The following TNRC6C variants were observed in gnomAD, a reference collection of about 807,000 sequenced individuals.
TNRC6C encodes the protein trinucleotide repeat-containing gene 6C protein.
Under a neutral mutation model 153.7 loss-of-function variants are expected in TNRC6C, and 20 were observed. The ratio of observed to expected loss-of-function variants is 0.13; its 90% CI spans 0.09 to 0.19. The LOEUF (loss-of-function observed/expected upper bound fraction) is 0.19. Ranked by LOEUF, TNRC6C falls within the 10% of genes least tolerant of loss-of-function variation. The pLI is 1.00. For missense variants in TNRC6C, 1,987 were observed against 2,172.0 expected (o/e 0.91, Z 1.69); for synonymous variants, 811 against 841.4 (o/e 0.96, Z 0.63).
rs1405159488 is a variant in TNRC6C at position 78,049,866 on chromosome 17, G to A, written c.804G>A (p.Gly268=). The change falls in exon 3 of 20, where the codon GGG becomes GGA. Residue 268 remains glycine, a synonymous_variant. Transcript: ENST00000301624. This position sits in a 1 kb window ranked among gnomAD's most constrained non-coding sequence, Gnocchi z 4.1. The stretch of plus-strand genomic sequence containing the variant: ...ATAGCAATTCTGGGTTCAGTCAGGG[G>A]AATGGAGACACTGTGAACTCAGCAT... 1 of 1,613,918 alleles carries A rather than the reference G, an allele frequency of 6.2e-7. No individual in the cohort carries two copies. The highest frequency in any genetic ancestry group is 8.5e-7 in the Non-Finnish European group (1 of 1,179,896).
At chr17:77,983,029 A>G (rs1475241707) in intron 1 of TNRC6C, among the ~76,000 whole-genome samples, 2 of 152,204 alleles carry the variant, frequency 1.3e-5, no homozygotes, top group Admixed American at 6.5e-5. Context: ...GGACAAAAAG[A>G]TAGATTCAGT....
chr17:78,061,580 C>T (rs1337057213), intron 3 of TNRC6C, among the ~76,000 whole-genome samples: 1 of 152,142 alleles, frequency 6.6e-6, no homozygotes, highest in African/African-American at 2.4e-5. Flanking sequence ...TACTCAGAAG[C>T]AGGAGGATCG....
chr17:78,019,884 C>A (rs980749863), intron 1 of TNRC6C, among the ~76,000 whole-genome samples: 1 of 152,042 alleles, frequency 6.6e-6, no homozygotes, highest in African/African-American at 2.4e-5. Flanking sequence ...TGCTTTGATG[C>A]CCTGGTTTTT....
chr17:78,040,246 C>T (rs1185830404), intron 2 of TNRC6C, among the ~76,000 whole-genome samples: 2 of 152,184 alleles, frequency 1.3e-5, no homozygotes, highest in Non-Finnish European at 2.9e-5. Context: ...AAGAATGCCA[C>T]CTGATCATGT....
At chr17:77,965,095 T>C (rs1361304366) in intron 1 of TNRC6C, among the ~76,000 whole-genome samples, 1 of 152,216 alleles carries the variant, frequency 6.6e-6, no homozygotes, top group Non-Finnish European at 1.5e-5. Context: ...GTTTATCTTA[T>C]TTAATCCTCA....
At chr17:77,999,153 C>A (rs2071373630) in intron 1 of TNRC6C, among the ~76,000 whole-genome samples, 1 of 152,202 alleles carries the variant, frequency 6.6e-6, no homozygotes, top group Admixed American at 6.5e-5. Context: ...AAGGTTTGTA[C>A]ACAGAATTGG....
chr17:77,985,601 C>CAAA (rs1229331703), intron 1 of TNRC6C, among the ~76,000 whole-genome samples: 14 of 96,244 alleles, frequency 1.5e-4, no homozygotes, highest in African/African-American at 5.5e-4. Flanking sequence ...GACTCCGTCT[C>CAAA]AAAAAAAAAA....
At chr17:78,059,440 G>A (rs921343896) in intron 3 of TNRC6C, among the ~76,000 whole-genome samples, 2 of 152,206 alleles carry the variant, frequency 1.3e-5, no homozygotes, top group Admixed American at 6.5e-5. Context: ...ACGGAAGTAG[G>A]AAGAGATGCT....
intron 13 of TNRC6C, 33 bp from the exon 16 acceptor site, chr17:78,091,407 G>T (rs763586372): frequency 6.5e-7 from 1 of 1,535,044 alleles, no homozygotes; most frequent in Non-Finnish European, 8.8e-7. Flanking sequence ...ATTTAGAGGA[G>T]CAGGCGAATC....
chr17:78,086,954 G>A (rs779189860), exon 13 of TNRC6C: 56 of 1,613,206 alleles, frequency 3.5e-5, no homozygotes, highest in African/African-American at 5.3e-5. Context: ...CACCGCCCCC[G>A]CCGCACCTGT....
At chr17:78,064,811 A>T in exon 4 of TNRC6C, 1 of 1,613,882 alleles carries the variant, frequency 6.2e-7, no homozygotes, top group South Asian at 1.1e-5. Flanking sequence ...CCTGGTGGAT[A>T]ATGGCACAGC....
intron 10 of TNRC6C, among the ~76,000 whole-genome samples, chr17:78,081,066 G>T (rs1017268407): frequency 2.6e-5 from 4 of 152,172 alleles, no homozygotes; most frequent in Non-Finnish European, 4.4e-5. Flanking sequence ...CAAGATCAAG[G>T]TGCCAGAAGA....
chr17:78,074,676 G>GCC (rs2073054205), intron 7 of TNRC6C, among the ~76,000 whole-genome samples: 1 of 152,240 alleles, frequency 6.6e-6, no homozygotes, highest in Admixed American at 6.5e-5. Context: ...GAATGGAGAG[G>GCC]CATGGCCATG....
intron 17 of TNRC6C, among the ~76,000 whole-genome samples, chr17:78,101,762 C>T (rs556078684): frequency 6.6e-6 from 1 of 152,124 alleles, no homozygotes; most frequent in Non-Finnish European, 1.5e-5. Flanking sequence ...AGGCACAGAT[C>T]GCTCGTGCTA....
Position 78,049,967 on chromosome 17 carries a change from C to T in TNRC6C, c.905C>T (p.Pro302Leu). 6.2e-7 allele frequency: 1 copy of T among 1,614,042 alleles called. No homozygotes were observed. Among genetic ancestry groups the T allele is most frequent in the Non-Finnish European group, 8.5e-7 (1 of 1,179,902 alleles). The change falls in exon 3 of 20, where the codon CCT becomes CTT. Residue 302 changes from proline to leucine, a missense_variant. Around this residue, in one of 4 missense-constraint regions of TNRC6C, gnomAD observed 1,052 missense variants for 1,017.0 expected, o/e 1.03. Coordinates refer to ENST00000301624, the Ensembl canonical transcript of TNRC6C. This position sits in a 1 kb window ranked among gnomAD's most constrained non-coding sequence, Gnocchi z 4.1. Reference sequence around the variant, plus strand: ...GGAGGAAATGCTTGGGATTCAGGACCTCCTGCTGGTCCTGGAATACTCGCC... The same window carrying T: ...GGAGGAAATGCTTGGGATTCAGGACTTCCTGCTGGTCCTGGAATACTCGCC...
chr17:78,063,229 A>T (rs2072803613), intron 3 of TNRC6C, among the ~76,000 whole-genome samples: 1 of 150,554 alleles, frequency 6.6e-6, no homozygotes, highest in South Asian at 2.1e-4. Context: ...TGGGCAACAG[A>T]GCAAGACTCT....
intron 1 of TNRC6C, among the ~76,000 whole-genome samples, chr17:77,980,367 C>T (rs1438110596): frequency 6.6e-6 from 1 of 152,108 alleles, no homozygotes; most frequent in Non-Finnish European, 1.5e-5. Flanking sequence ...TATTTTTCCT[C>T]GGCTCTCACT....
chr17:78,048,399 G>A (rs527335208), intron 2 of TNRC6C, among the ~76,000 whole-genome samples: 4 of 152,108 alleles, frequency 2.6e-5, no homozygotes, highest in Admixed American at 2.0e-4. Flanking sequence ...GCCATGTTTC[G>A]CCTCTATATA....
Position 78,075,061 on chromosome 17 carries a change from C to A in TNRC6C, c.2918-75C>A. ...GAGGGTCTCCATCCCTCCTTGAGGCCTTAGCTGGTGCCTATCTTGTGCTCA... is the reference window on the plus strand; with the variant it reads ...GAGGGTCTCCATCCCTCCTTGAGGCATTAGCTGGTGCCTATCTTGTGCTCA... On this transcript the variant is annotated intron_variant, in intron 7 of 19. Transcript: ENST00000301624. This position sits in a 1 kb window ranked among gnomAD's most constrained non-coding sequence, Gnocchi z 4.2. 3 of 1,554,982 alleles carry A rather than the reference C, an allele frequency of 1.9e-6. No homozygotes were observed. In the African/African-American group the frequency reaches 4.1e-5, roughly 21 times the overall value.
Sources: allele counts gnomAD v4.1 joint callset (sites outside exome capture counted in the v4.1 genomes callset), GRCh38; gene constraint gnomAD v4.1.1; regional missense constraint gnomAD v4.1.1; non-coding constraint Gnocchi (gnomAD v3.1); transcripts MANE v1.5; gene names NCBI Gene and HGNC (gene_info 2026-07-23, HGNC 2026-07-21).